MAGI1: variants seen among roughly 807,000 people sequenced by gnomAD.
MAGI1 encodes membrane associated guanylate kinase, WW and PDZ domain containing 1, also known as membrane-associated guanylate kinase, WW and PDZ domain-containing protein 1.
In MAGI1, 58 loss-of-function variants were observed where a neutral mutation model predicts 139.9. The observed-to-expected ratio is 0.41, with a 90% CI of 0.34 to 0.52. The LOEUF (loss-of-function observed/expected upper bound fraction) is 0.52. Ranked by LOEUF, MAGI1 falls within the 20% of genes least tolerant of loss-of-function variation. The pLI, the probability that MAGI1 is intolerant of heterozygous loss-of-function variation, is 0.12. For missense variants in MAGI1, 1,874 were observed against 1,901.6 expected (o/e 0.99, Z 0.27); for synonymous variants, 812 against 737.9 (o/e 1.10, Z -1.63).
chr3:65,783,679 G>T (rs568626436), intron 1 of MAGI1, among the ~76,000 whole-genome samples: 1 of 151,552 alleles, frequency 6.6e-6, no homozygotes, highest in East Asian at 2.0e-4. Flanking sequence ...TGTATTTTCA[G>T]TAGTGATGGG....
intron 2 of MAGI1, among the ~76,000 whole-genome samples, chr3:65,578,422 T>C (rs954130952): frequency 6.6e-6 from 1 of 152,094 alleles, no homozygotes; most frequent in Non-Finnish European, 1.5e-5. Context: ...AGAGAAGATA[T>C]CAGAAAAACA....
At chr3:65,531,063 C>T (rs1027643125) in intron 2 of MAGI1, among the ~76,000 whole-genome samples, 5 of 151,598 alleles carry the variant, frequency 3.3e-5, no homozygotes, top group African/African-American at 9.7e-5. Context: ...TAACAAAGTG[C>T]CTGGCCCACA....
chr3:65,472,800 A>G (rs1451157296), intron 4 of MAGI1, among the ~76,000 whole-genome samples: 4 of 152,318 alleles, frequency 2.6e-5, no homozygotes, highest in African/African-American at 9.6e-5. Context: ...GGGGTTGCCA[A>G]ACTTCTGATT....
chr3:65,649,479 C>A (rs75094564), intron 1 of MAGI1, among the ~76,000 whole-genome samples: 19,327 of 152,090 alleles, frequency 0.13, 1,387 homozygotes, highest in Middle Eastern at 0.19. Context: ...AATCCATAAA[C>A]GGAAAAAATA....
chr3:65,422,244 T>A (rs116267399), intron 12 of MAGI1, among the ~76,000 whole-genome samples: 2,475 of 152,294 alleles, frequency 0.016, 67 homozygotes, highest in African/African-American at 0.056. Flanking sequence ...ATTTTAATCA[T>A]GAGATAGTGG....
chr3:65,412,346 A>G (rs907104158), intron 12 of MAGI1, among the ~76,000 whole-genome samples: 5 of 152,180 alleles, frequency 3.3e-5, no homozygotes, highest in African/African-American at 7.2e-5. Context: ...CCAACCAGAG[A>G]TCCAGGCAGG....
At chr3:65,469,170 T>C (rs888770302) in intron 5 of MAGI1, among the ~76,000 whole-genome samples, 9 of 152,156 alleles carry the variant, frequency 5.9e-5, no homozygotes, top group African/African-American at 1.9e-4. Context: ...AGAGAATAGA[T>C]GTAGGATATG....
intron 1 of MAGI1, chr3:65,873,862 T>A (rs1241743899): frequency 6.6e-6 from 1 of 151,628 alleles, no homozygotes; most frequent in Non-Finnish European, 1.5e-5. Context: ...ACTATGAAAC[T>A]CTTAGAAGAT....
At chr3:65,740,340 G>C (rs2035153653) in intron 1 of MAGI1, among the ~76,000 whole-genome samples, 1 of 152,124 alleles carries the variant, frequency 6.6e-6, no homozygotes, top group Non-Finnish European at 1.5e-5. Context: ...AATCCTAGGA[G>C]GTTAGTATAA....
chr3:65,694,252 T>G (rs970055346), intron 1 of MAGI1, among the ~76,000 whole-genome samples: 1 of 152,204 alleles, frequency 6.6e-6, no homozygotes, highest in Non-Finnish European at 1.5e-5. Flanking sequence ...CTGTGGTTAT[T>G]ATTTTCATAT....
chr3:65,695,600 A>G (rs2089104251), intron 1 of MAGI1, among the ~76,000 whole-genome samples: 1 of 152,042 alleles, frequency 6.6e-6, no homozygotes, highest in South Asian at 2.1e-4. Flanking sequence ...CCATTTATAG[A>G]CTTGCTTTTT....
intron 12 of MAGI1, among the ~76,000 whole-genome samples, chr3:65,425,179 A>G (rs1313147939): frequency 6.6e-6 from 1 of 151,014 alleles, no homozygotes; most frequent in East Asian, 1.9e-4. Flanking sequence ...TGTACGGCCC[A>G]GCTAGAACTT....
chr3:65,773,245 G>A (rs1332659431), intron 1 of MAGI1, among the ~76,000 whole-genome samples: 1 of 152,148 alleles, frequency 6.6e-6, no homozygotes, highest in Non-Finnish European at 1.5e-5. Context: ...AACCTTAAGA[G>A]TAGGGGGTCG....
At chr3:65,773,210 C>T (rs750499003) in intron 1 of MAGI1, among the ~76,000 whole-genome samples, 1 of 152,172 alleles carries the variant, frequency 6.6e-6, no homozygotes, top group African/African-American at 2.4e-5. Context: ...ATTAAAACAA[C>T]AGCCAACACC....
chr3:65,969,812 T>A (rs1385915465), intron 1 of MAGI1, among the ~76,000 whole-genome samples: 1 of 152,224 alleles, frequency 6.6e-6, no homozygotes, highest in African/African-American at 2.4e-5. Flanking sequence ...AGAACTGCAT[T>A]TTAAAATTTT....
At chr3:65,410,887 T>C (rs1265315875) in intron 12 of MAGI1, among the ~76,000 whole-genome samples, 1 of 152,164 alleles carries the variant, frequency 6.6e-6, no homozygotes, top group African/African-American at 2.4e-5. Context: ...AGTTTCAAAG[T>C]GGGCAGGAGC....
chr3:65,807,937 C>G (rs1272777871), intron 1 of MAGI1, among the ~76,000 whole-genome samples: 2 of 151,984 alleles, frequency 1.3e-5, no homozygotes, highest in African/African-American at 2.4e-5. Flanking sequence ...TGAGACCCAG[C>G]CAGGTGTGGT....
At chr3:65,718,228 G>A (rs1250775884) in intron 1 of MAGI1, among the ~76,000 whole-genome samples, 5 of 151,964 alleles carry the variant, frequency 3.3e-5, no homozygotes, top group East Asian at 3.9e-4. Flanking sequence ...AGCCATGACC[G>A]GGCATTCTAA....
At chr3:65,590,107 C>A (rs1252702813) in intron 2 of MAGI1, among the ~76,000 whole-genome samples, 1 of 152,164 alleles carries the variant, frequency 6.6e-6, no homozygotes, top group Non-Finnish European at 1.5e-5. Flanking sequence ...CTTTAAAACG[C>A]ATCACCAGTG....
Sources: gnomAD v4.1 joint callset for allele counts (sites outside exome capture counted in the v4.1 genomes callset) on GRCh38, gnomAD v4.1.1 for gene constraint, MANE v1.5 for transcripts, NCBI Gene and HGNC (gene_info 2026-07-23, HGNC 2026-07-21) for gene names.